Variants in MGMT observed in about 807,000 individuals in gnomAD.
MGMT encodes the protein methylated-DNA--protein-cysteine methyltransferase.
MGMT carries 14 observed loss-of-function variants against 15.9 expected under a neutral mutation model. The observed-to-expected ratio is 0.88, with a 90% CI of 0.58 to 1.37. MGMT has a LOEUF of 1.37. Ranked by LOEUF, MGMT falls within the 40% of genes most tolerant of loss-of-function variation. The pLI is 0.00. For missense variants in MGMT, 282 were observed against 268.1 expected, an observed-to-expected ratio of 1.05 and a Z score of -0.36; for synonymous variants, 130 against 118.2, an observed-to-expected ratio of 1.10 and a Z score of -0.65.
At position 129,707,551 on chromosome 10, in the gene MGMT, C is replaced by T. The variant is rs147714931; in HGVS notation, c.126-344C>T. Among the ~76,000 whole-genome samples the T allele has an allele frequency of 5.3e-5, 8 of 152,212 alleles. No homozygotes were observed. The East Asian group carries it at 1.2e-3, about 22-fold the overall frequency. ...GTGTGGTGCAGTCTAATGACTGTGT[C>T]GATATTTCTGGGAACTGTTTTCAAT... On this transcript the variant is annotated intron_variant, in intron 2 of 4. Transcript: ENST00000651593.
chr10:129,562,579 A>T (rs188824828), intron 2 of MGMT, among the ~76,000 whole-genome samples: 154 of 152,338 alleles, frequency 1.0e-3, no homozygotes, highest in African/African-American at 3.4e-3. Flanking sequence ...TGACAGCAGT[A>T]GGAGGAGCTT....
chr10:129,595,120 G>C (rs75649973), intron 2 of MGMT, among the ~76,000 whole-genome samples: 43 of 152,310 alleles, frequency 2.8e-4, no homozygotes, highest in African/African-American at 8.4e-4. Context: ...TATGAATGAT[G>C]TCATTTGAAT....
chr10:129,643,590 C>T (rs1564746214), intron 2 of MGMT, among the ~76,000 whole-genome samples: 1 of 152,130 alleles, frequency 6.6e-6, no homozygotes, highest in East Asian at 1.9e-4. Flanking sequence ...ACATGCTAAG[C>T]GAGCAGGGAC....
intron 3 of MGMT, among the ~76,000 whole-genome samples, chr10:129,742,346 G>A (rs1036909012): frequency 6.6e-6 from 1 of 152,230 alleles, no homozygotes; most frequent in Non-Finnish European, 1.5e-5. Flanking sequence ...CACACCATGC[G>A]TAGGGCTGGA....
At chr10:129,636,226 G>A (rs1332233252) in intron 2 of MGMT, among the ~76,000 whole-genome samples, 4 of 152,134 alleles carry the variant, frequency 2.6e-5, no homozygotes, top group African/African-American at 9.7e-5. Context: ...GAGTCCAGCC[G>A]GAGATACTGA....
intron 2 of MGMT, among the ~76,000 whole-genome samples, chr10:129,540,889 C>G (rs1336716446): frequency 6.6e-6 from 1 of 152,210 alleles, no homozygotes; most frequent in Non-Finnish European, 1.5e-5. Context: ...GGTGCTCCCA[C>G]CTGGAGCCAT....
intron 2 of MGMT, among the ~76,000 whole-genome samples, chr10:129,561,854 A>G (rs144483718): frequency 2.4e-4 from 36 of 152,330 alleles, no homozygotes; most frequent in African/African-American, 8.2e-4. Flanking sequence ...CATTAGAAGC[A>G]CTGCACCCAG....
chr10:129,469,712 TTTA>T (rs1481944161), intron 1 of MGMT, among the ~76,000 whole-genome samples: 2 of 152,140 alleles, frequency 1.3e-5, no homozygotes, highest in African/African-American at 4.8e-5. Context: ...AGAATATTAT[TTTA>T]TTATTTTTAG....
chr10:129,543,782 T>C (rs948845786), intron 2 of MGMT, among the ~76,000 whole-genome samples: 1 of 152,220 alleles, frequency 6.6e-6, no homozygotes, highest in South Asian at 2.1e-4. Flanking sequence ...CCTGTGTCTG[T>C]GAGTCAGAAG....
At chr10:129,573,813 A>G (rs1846447021) in intron 2 of MGMT, among the ~76,000 whole-genome samples, 1 of 152,206 alleles carries the variant, frequency 6.6e-6, no homozygotes. Flanking sequence ...TTCATATATG[A>G]AAGAGTATAA....
At chr10:129,576,663 A>T (rs1051610470) in intron 2 of MGMT, among the ~76,000 whole-genome samples, 8 of 152,216 alleles carry the variant, frequency 5.3e-5, no homozygotes, top group African/African-American at 1.9e-4. Context: ...CCTATTCAAC[A>T]TAGTGTTGGA....
At chr10:129,718,797 C>T (rs1389366342) in intron 3 of MGMT, among the ~76,000 whole-genome samples, 3 of 151,948 alleles carry the variant, frequency 2.0e-5, no homozygotes, top group African/African-American at 4.8e-5. Flanking sequence ...TAGAGCCAGT[C>T]CACGTGCCTG....
intron 2 of MGMT, among the ~76,000 whole-genome samples, chr10:129,558,514 C>T (rs771548012): frequency 1.3e-5 from 2 of 152,146 alleles, no homozygotes; most frequent in Non-Finnish European, 2.9e-5. Context: ...TTTGTGGTGG[C>T]GGGGGCCAGT....
At position 129,594,759 on chromosome 10, in the gene MGMT, T is replaced by C. The variant is rs199610565; in HGVS notation, c.125+58382T>C. On this transcript the variant is annotated intron_variant, in intron 2 of 4. Coordinates refer to ENST00000651593, the MANE Select transcript of MGMT (RefSeq NM_002412.5). ...GAAGAAATCTCTCTCCTACCACAGA[T>C]ACTGTCCCCAGAGAAGGTGCACCTC... is the stretch of plus-strand genomic sequence containing the variant. 4.6e-5 allele frequency among the ~76,000 whole-genome samples: 7 copies of C among 152,312 alleles called. No homozygotes were observed. The East Asian group carries it at 1.4e-3, about 29-fold the overall frequency.
At chr10:129,569,946 T>C (rs1846398167) in intron 2 of MGMT, among the ~76,000 whole-genome samples, 1 of 152,258 alleles carries the variant, frequency 6.6e-6, no homozygotes, top group Non-Finnish European at 1.5e-5. Context: ...GAATTTTGTT[T>C]CTTTGCCCGC....
intron 3 of MGMT, among the ~76,000 whole-genome samples, chr10:129,722,277 G>A (rs1848381138): frequency 6.6e-6 from 1 of 152,152 alleles, no homozygotes; most frequent in South Asian, 2.1e-4. Context: ...TTATAAAACA[G>A]TTGCTTTATG....
At chr10:129,513,631 T>C (rs1347309458) in intron 1 of MGMT, among the ~76,000 whole-genome samples, 3 of 152,114 alleles carry the variant, frequency 2.0e-5, no homozygotes, top group Non-Finnish European at 2.9e-5. Context: ...CCAAGGCAGT[T>C]CTTGACACTT....
intron 2 of MGMT, among the ~76,000 whole-genome samples, chr10:129,668,138 T>G (rs1027512800): frequency 6.6e-6 from 1 of 152,198 alleles, no homozygotes; most frequent in African/African-American, 2.4e-5. Context: ...GTTTAAGAAG[T>G]CTTTTCTCTC....
intron 1 of MGMT, among the ~76,000 whole-genome samples, chr10:129,513,126 C>T (rs540343975): frequency 9.9e-5 from 15 of 152,160 alleles, no homozygotes; most frequent in South Asian, 2.1e-4. Context: ...AAAGACATTA[C>T]GCTGAGTGAT....
Sources: allele counts gnomAD v4.1 joint callset (sites outside exome capture counted in the v4.1 genomes callset), GRCh38; gene constraint gnomAD v4.1.1; transcripts MANE v1.5; gene names NCBI Gene and HGNC (gene_info 2026-07-23, HGNC 2026-07-21).